The following CDK13 variants were observed in gnomAD, a reference collection of about 807,000 sequenced individuals.
The protein encoded by CDK13 is cyclin dependent kinase 13.
CDK13 carries 40 observed loss-of-function variants against 137.6 expected under a neutral mutation model. The ratio of observed to expected loss-of-function variants is 0.29; its 90% CI spans 0.23 to 0.38. CDK13 has a LOEUF of 0.38. Ranked by LOEUF, CDK13 falls within the 10% of genes least tolerant of loss-of-function variation. CDK13 has a pLI of 1.00. For synonymous variants in CDK13, 869 were observed against 760.1 expected (o/e 1.14, Z -2.36); for missense variants, 1,704 against 1,951.8 (o/e 0.87, Z 2.39).
Position 39,951,400 on chromosome 7 carries a change from C to G in CDK13, c.759C>G (p.Ser253Arg). Residue 253 changes from serine (S) to arginine (R), a missense_variant, in exon 1 of 14, where the codon AGC becomes AGG. Ser to Arg is a moderately radical substitution (Grantham distance 110, BLOSUM62 -1). Transcript: ENST00000181839. The stretch of plus-strand genomic sequence containing the variant: ...TCGCCAAGAGCGGCAGCAGCAGCAG[C>G]AGCGGCGGCCGCCGGAAAAGCGCTT... ...AEVAKSGSSS[S>R]SGGRRKSASA... is the part of the protein sequence containing the mutation. 6.6e-7 allele frequency: 1 copy of G among 1,525,218 alleles called. No homozygotes were observed. Among genetic ancestry groups the G allele is most frequent in the Non-Finnish European group, 8.8e-7 (1 of 1,139,170 alleles). The allele number at this position is 1,525,218 out of a possible 1,614,324, so 94.5% of individuals were successfully genotyped here. A position where few individuals can be genotyped will look rare whatever the true frequency, so the allele number is the denominator to read the frequency against.
At chr7:40,055,156 C>CTGTGTGTGTGTGTG (rs56001601) in intron 7 of CDK13, among the ~76,000 whole-genome samples, 65 of 140,434 alleles carry the variant, frequency 4.6e-4, no homozygotes, top group Middle Eastern at 7.1e-3. Context: ...GGCAGAAGGA[C>CTGTGTGTGTGTGTG]TGTGTGTGTG....
chr7:39,953,001 A>C (rs1787285677), intron 1 of CDK13: 1 of 152,190 alleles, frequency 6.6e-6, no homozygotes, highest in Non-Finnish European at 1.5e-5. Context: ...CATTTGTATC[A>C]GTTTTTCCTC....
At chr7:40,075,489 T>TA (rs1018074241) in intron 9 of CDK13, among the ~76,000 whole-genome samples, 9 of 151,188 alleles carry the variant, frequency 6.0e-5, no homozygotes, top group South Asian at 2.1e-4. Context: ...AATAAAATTT[T>TA]ATTGAAATAA....
chr7:40,013,388 A>G (rs1396994359), intron 5 of CDK13, among the ~76,000 whole-genome samples: 2 of 152,232 alleles, frequency 1.3e-5, no homozygotes, highest in Non-Finnish European at 2.9e-5. Context: ...ACATTTTAAA[A>G]TGGTTAAGAT....
rs2116268939 is a variant in CDK13, at chr7:39,988,170, G to C, written c.1783G>C (p.Glu595Gln). Residue 595 changes from glutamate to glutamine, a missense_variant, in exon 2 of 14, where the codon GAG (glutamate) becomes CAG (glutamine). This residue lies in a region of CDK13 where 1,051 missense variants were observed against 931.0 expected (regional missense o/e 1.13). Transcript: ENST00000181839. ...KPLTPSIGAK[E>Q]KEQHVALVTS... The stretch of plus-strand genomic sequence containing the variant: ...ACTTACACCAAGCATAGGAGCCAAG[G>C]AGAAGGAGCAACATGTAGCTTTAGT... 1 of 1,614,116 alleles carries C rather than the reference G, an allele frequency of 6.2e-7. No individual in the cohort carries two copies. Among genetic ancestry groups the C allele is most frequent in the Non-Finnish European group, 8.5e-7 (1 of 1,180,022 alleles).
intron 7 of CDK13, among the ~76,000 whole-genome samples, chr7:40,056,210 G>A (rs997089552): frequency 2.0e-5 from 3 of 152,172 alleles, no homozygotes; most frequent in African/African-American, 7.2e-5. Context: ...TTTCATTAGA[G>A]AGGTAGAAAG....
chr7:39,989,478 A>G (rs1784412990), intron 2 of CDK13, among the ~76,000 whole-genome samples: 1 of 152,014 alleles, frequency 6.6e-6, no homozygotes, highest in Non-Finnish European at 1.5e-5. Context: ...CATTATGAAA[A>G]TTTTATAATT....
At chr7:40,002,783 A>G (rs17496395) in intron 5 of CDK13, among the ~76,000 whole-genome samples, 16,432 of 151,924 alleles carry the variant, frequency 0.11, 2,949 homozygotes, top group African/African-American at 0.37. Flanking sequence ...ATCTAACATA[A>G]AGCAGACACA....
intron 7 of CDK13, among the ~76,000 whole-genome samples, chr7:40,058,924 A>G (rs1786080191): frequency 6.6e-6 from 1 of 152,304 alleles, no homozygotes; most frequent in Non-Finnish European, 1.5e-5. Context: ...TCAAAACAGT[A>G]TGAATTATAG....
intron 12 of CDK13, chr7:40,092,475 C>T (rs970520360): frequency 1.4e-5 from 4 of 294,960 alleles, no homozygotes; most frequent in Non-Finnish European, 1.9e-5. Context: ...TATCATTATT[C>T]ATTTCCCATT....
chr7:39,959,265 G>A (rs1188327664), intron 1 of CDK13, among the ~76,000 whole-genome samples: 1 of 151,520 alleles, frequency 6.6e-6, no homozygotes. Flanking sequence ...GGGTTCAAGC[G>A]ATTCTCCTTC....
chr7:40,076,955 T>A (rs1309665722), intron 9 of CDK13, among the ~76,000 whole-genome samples: 2 of 152,182 alleles, frequency 1.3e-5, no homozygotes, highest in Non-Finnish European at 2.9e-5. Context: ...ATAAGTAGAT[T>A]TAAGCAAATT....
chr7:40,043,146 A>G (rs1211249089), intron 5 of CDK13, among the ~76,000 whole-genome samples: 2 of 152,218 alleles, frequency 1.3e-5, no homozygotes, highest in African/African-American at 4.8e-5. Flanking sequence ...CATTTAATGA[A>G]TTGAAATCTG....
chr7:40,005,819 T>A (rs759972045), intron 5 of CDK13, among the ~76,000 whole-genome samples: 57 of 152,172 alleles, frequency 3.7e-4, no homozygotes, highest in Non-Finnish European at 1.2e-4. Context: ...AGCCTTGACC[T>A]CAGGCAGTCC....
intron 7 of CDK13, among the ~76,000 whole-genome samples, chr7:40,051,703 C>G (rs1785892711): frequency 6.6e-6 from 1 of 152,124 alleles, no homozygotes; most frequent in Non-Finnish European, 1.5e-5. Context: ...TTGGATGTTC[C>G]TTTTTTGAAT....
At chr7:40,058,436 A>C (rs926328735) in intron 7 of CDK13, among the ~76,000 whole-genome samples, 10 of 152,092 alleles carry the variant, frequency 6.6e-5, no homozygotes, top group Non-Finnish European at 8.8e-5. Flanking sequence ...GCTACTCCAG[A>C]GGCAGGAGAA....
Position 39,951,560 on chromosome 7 carries a change from C to A in CDK13, c.919C>A (p.Pro307Thr). The A allele has an allele frequency of 2.0e-6, 3 of 1,532,502 alleles. No individual in the cohort carries two copies. Among genetic ancestry groups the A allele is most frequent in the Non-Finnish European group, 1.8e-6 (2 of 1,142,114 alleles). The allele number at this position is 1,532,502 out of a possible 1,614,324, so 94.9% of individuals were successfully genotyped here. ...PKAYREDKTE[P>T]KAYRRRRSLS... ...GGCCTACCGGGAGGACAAGACCGAG[C>A]CTAAGGCCTACAGGCGGCGGCGGTC... is the stretch of plus-strand genomic sequence containing the variant. The change falls in exon 1 of 14, where the codon CCT (proline) becomes ACT (threonine). Residue 307 changes from proline to threonine, a missense_variant. Around this residue, in one of 5 missense-constraint regions of CDK13, gnomAD observed 1,051 missense variants for 931.0 expected, o/e 1.13. Coordinates refer to ENST00000181839, the MANE Select transcript of CDK13 (RefSeq NM_003718.5).
intron 11 of CDK13, among the ~76,000 whole-genome samples, chr7:40,086,578 T>A (rs1786792021): frequency 6.6e-6 from 1 of 152,198 alleles, no homozygotes; most frequent in Non-Finnish European, 1.5e-5. Context: ...GTGTTATCAG[T>A]TGTATGAAGT....
chr7:40,001,033 T>G (rs538127022), intron 4 of CDK13, among the ~76,000 whole-genome samples: 1 of 152,362 alleles, frequency 6.6e-6, no homozygotes, highest in African/African-American at 2.4e-5. Context: ...CCAGTTTTAC[T>G]GCTAGGTAAC....
Sources: allele counts gnomAD v4.1 joint callset (sites outside exome capture counted in the v4.1 genomes callset), GRCh38; gene constraint gnomAD v4.1.1; regional missense constraint gnomAD v4.1.1; transcripts MANE v1.5; gene names NCBI Gene and HGNC (gene_info 2026-07-23, HGNC 2026-07-21).